The following ANO2 variants were observed in gnomAD, a reference collection of about 807,000 sequenced individuals.
The protein encoded by ANO2 is anoctamin 2.
Under a neutral mutation model 124.2 loss-of-function variants are expected in ANO2, and 101 were observed. The ratio of observed to expected loss-of-function variants is 0.81; its 90% CI spans 0.69 to 0.96. The LOEUF is 0.96. ANO2 is among the 40% of genes least tolerant of loss of function. The pLI is 0.00. For synonymous variants in ANO2, 486 were observed against 482.5 expected, an observed-to-expected ratio of 1.01 and a Z score of -0.09; for missense variants, 1,293 against 1,274.5, an observed-to-expected ratio of 1.01 and a Z score of -0.22.
chr12:5,915,598 C>T (rs763143012), intron 3 of ANO2, among the ~76,000 whole-genome samples: 11 of 152,158 alleles, frequency 7.2e-5, no homozygotes, highest in Admixed American at 2.0e-4. Context: ...AAAAGATTGC[C>T]CAGCTCAGAA....
chr12:5,685,807 CA>C (rs745970524), intron 14 of ANO2, among the ~76,000 whole-genome samples: 74 of 151,906 alleles, frequency 4.9e-4, no homozygotes, highest in Non-Finnish European at 7.9e-4. Flanking sequence ...ACAAAAAACA[CA>C]AAAAACACAA....
chr12:5,923,666 G>C (rs143807053), intron 1 of ANO2, among the ~76,000 whole-genome samples: 20 of 152,288 alleles, frequency 1.3e-4, no homozygotes, highest in African/African-American at 4.8e-4. Flanking sequence ...AAAAATTCCA[G>C]TGTCTCCCCT....
chr12:5,893,470 GT>G (rs1355163085), intron 3 of ANO2, among the ~76,000 whole-genome samples: 4 of 150,032 alleles, frequency 2.7e-5, no homozygotes, highest in East Asian at 2.0e-4. Flanking sequence ...TTTGTATGTA[GT>G]TTTTTTTCCC....
intron 14 of ANO2, among the ~76,000 whole-genome samples, chr12:5,684,485 G>C (rs1948626062): frequency 6.6e-6 from 1 of 152,172 alleles, no homozygotes; most frequent in Non-Finnish European, 1.5e-5. Flanking sequence ...GGGGCAGTGG[G>C]AGGACAAGTG....
intron 20 of ANO2, among the ~76,000 whole-genome samples, chr12:5,598,896 A>G (rs1943793519): frequency 6.6e-6 from 1 of 152,224 alleles, no homozygotes; most frequent in African/African-American, 2.4e-5. Context: ...CCTGCCTTCA[A>G]GCCTTATCGA....
intron 4 of ANO2, among the ~76,000 whole-genome samples, chr12:5,840,126 C>T (rs1954466700): frequency 6.6e-6 from 1 of 152,180 alleles, no homozygotes; most frequent in Admixed American, 6.5e-5. Context: ...TTATGAACAA[C>T]CTCAGAAATG....
intron 10 of ANO2, among the ~76,000 whole-genome samples, chr12:5,768,104 C>T (rs1432926466): frequency 6.6e-6 from 1 of 152,188 alleles, no homozygotes; most frequent in Non-Finnish European, 1.5e-5. Context: ...CTGGGCTTTT[C>T]TAAAGGACCT....
At chr12:5,767,739 C>A (rs142362738) in intron 10 of ANO2, among the ~76,000 whole-genome samples, 2 of 152,340 alleles carry the variant, frequency 1.3e-5, no homozygotes, top group Admixed American at 6.5e-5. Context: ...CCCTTCCCCC[C>A]CATCTGCTTT....
At chr12:5,565,964 G>GCATCTGAGGGTAGTCCAGGC (rs1440423453) in intron 23 of ANO2, among the ~76,000 whole-genome samples, 1 of 152,244 alleles carries the variant, frequency 6.6e-6, no homozygotes, top group Non-Finnish European at 1.5e-5. Context: ...GGAGCCCAGG[G>GCATCTGAGGGTAGTCCAGGC]CATCTGAGGG....
At chr12:5,798,853 T>C (rs1421560266) in intron 10 of ANO2, among the ~76,000 whole-genome samples, 1 of 152,236 alleles carries the variant, frequency 6.6e-6, no homozygotes, top group Non-Finnish European at 1.5e-5. Context: ...AGCCAGAAGA[T>C]TGAGTTTCTA....
At chr12:5,710,912 A>G (rs1949788529) in intron 14 of ANO2, among the ~76,000 whole-genome samples, 2 of 152,202 alleles carry the variant, frequency 1.3e-5, no homozygotes, top group African/African-American at 4.8e-5. Context: ...CTGTAATCCC[A>G]GCACTTTGGG....
intron 15 of ANO2, among the ~76,000 whole-genome samples, chr12:5,646,560 T>C (rs1946647622): frequency 6.6e-6 from 1 of 152,204 alleles, no homozygotes. Context: ...GTTTGACTCA[T>C]TAAATATTGA....
At chr12:5,673,039 T>C (rs1018129535) in intron 14 of ANO2, among the ~76,000 whole-genome samples, 4 of 152,172 alleles carry the variant, frequency 2.6e-5, no homozygotes, top group African/African-American at 9.7e-5. Flanking sequence ...CACTCCTACC[T>C]CTCCACTCCC....
At chr12:5,582,328 T>G (rs998380982) in intron 20 of ANO2, among the ~76,000 whole-genome samples, 46 of 152,156 alleles carry the variant, frequency 3.0e-4, no homozygotes, top group Admixed American at 1.4e-3. Context: ...GCAAACCCCA[T>G]TGGTTTTCTC....
intron 10 of ANO2, among the ~76,000 whole-genome samples, chr12:5,756,256 T>C (rs1406912835): frequency 1.3e-5 from 2 of 152,214 alleles, no homozygotes; most frequent in South Asian, 2.1e-4. Context: ...TTTGTTGACA[T>C]GTTATACTCC....
chr12:5,935,374 C>T (rs1018403021), intron 1 of ANO2, among the ~76,000 whole-genome samples: 17 of 152,142 alleles, frequency 1.1e-4, no homozygotes, highest in Non-Finnish European at 2.2e-4. Context: ...GCACTGGAGA[C>T]ACACCTAGGG....
chr12:5,710,632 A>G (rs575607736), intron 14 of ANO2, among the ~76,000 whole-genome samples: 71 of 152,106 alleles, frequency 4.7e-4, no homozygotes, highest in Non-Finnish European at 7.9e-4. Context: ...TCTTCAAAGG[A>G]CGGCTTTATT....
chr12:5,685,708 T>C (rs1222521937), intron 14 of ANO2, among the ~76,000 whole-genome samples: 4 of 151,898 alleles, frequency 2.6e-5, no homozygotes, highest in Admixed American at 1.3e-4. Context: ...GTCTAGGAGG[T>C]TGAGGCTGCA....
intron 3 of ANO2, among the ~76,000 whole-genome samples, chr12:5,861,417 G>A (rs1955264742): frequency 6.6e-6 from 1 of 152,046 alleles, no homozygotes; most frequent in African/African-American, 2.4e-5. Context: ...TCGCGCTCCT[G>A]GTGAAGTTAT....
Sources: allele counts gnomAD v4.1 joint callset (sites outside exome capture counted in the v4.1 genomes callset), GRCh38; gene constraint gnomAD v4.1.1; transcripts MANE v1.5; gene names NCBI Gene and HGNC (gene_info 2026-07-23, HGNC 2026-07-21).